The following SS18 variants were observed in gnomAD, a reference collection of about 807,000 sequenced individuals.
SS18 encodes the protein SS18 subunit of BAF chromatin remodeling complex, also known as protein SSXT.
SS18 carries 28 observed loss-of-function variants against 72.5 expected under a neutral mutation model. The ratio of observed to expected loss-of-function variants is 0.39; its 90% confidence interval spans 0.29 to 0.53. SS18 has a LOEUF of 0.53. Ranked by LOEUF, SS18 falls within the 20% of genes least tolerant of loss-of-function variation. SS18 has a pLI of 0.76. For missense variants in SS18, 518 were observed against 535.3 expected, an observed-to-expected ratio of 0.97 and a Z score of 0.32; for synonymous variants, 172 against 164.2, an observed-to-expected ratio of 1.05 and a Z score of -0.37.
intron 3 of SS18, among the ~76,000 whole-genome samples, chr18:26,063,519 A>G (rs776070216): frequency 6.6e-6 from 1 of 152,232 alleles, no homozygotes; most frequent in Non-Finnish European, 1.5e-5. Context: ...TCCATCTCCA[A>G]AAAGAAAAAA....
chr18:26,082,080 G>C (rs528373419), intron 2 of SS18, among the ~76,000 whole-genome samples: 1 of 151,954 alleles, frequency 6.6e-6, no homozygotes, highest in African/African-American at 2.4e-5. Flanking sequence ...CAAAAAAAAA[G>C]AGTATATGTT....
intron 5 of SS18, among the ~76,000 whole-genome samples, chr18:26,049,866 T>G (rs1456264667): frequency 6.6e-6 from 1 of 152,142 alleles, no homozygotes; most frequent in Non-Finnish European, 1.5e-5. Flanking sequence ...TTTATCTGGG[T>G]AACAGTGACA....
chr18:26,087,574 A>G lies in SS18; in HGVS notation c.73T>C (p.Leu25=). 1 of 1,557,040 alleles carries G rather than the reference A, an allele frequency of 6.4e-7. No homozygotes were observed. The highest frequency in any genetic ancestry group is 8.8e-7 in the Non-Finnish European group (1 of 1,138,944). ...EITPAAIQKM[L]DDNNHLIQCI... ...TGAATAAGATGGTTATTGTCATCCA[A>G]CATCTGAAACAGAATTAGAAAAGGT... The change falls in exon 2 of 11, where the codon TTG becomes CTG. Residue 25 remains leucine (L), a synonymous_variant. Transcript: ENST00000415083.
chr18:26,045,003 T>C (rs920058021), intron 5 of SS18, among the ~76,000 whole-genome samples: 1 of 152,176 alleles, frequency 6.6e-6, no homozygotes, highest in Non-Finnish European at 1.5e-5. Context: ...TCCTCCACAT[T>C]TGATCAGTCA....
At position 26,018,045 on chromosome 18, in the gene SS18, C is replaced by T. The variant is rs1171496636; in HGVS notation, c.*309G>A. 1.8e-5 allele frequency: 5 copies of T among 281,034 alleles called. No homozygotes were observed. The highest frequency in any genetic ancestry group is 2.7e-5 in the Non-Finnish European group (4 of 149,370). 17.4% of individuals were successfully genotyped at this position (281,034 alleles called of 1,614,324 possible). A position where few individuals can be genotyped will look rare whatever the true frequency, so the allele number is the denominator to read the frequency against. On this transcript the variant is annotated 3_prime_UTR_variant, in exon 11 of 11. Transcript: ENST00000415083. ...CTTCATAAACATACAAAGCTGTTCA[C>T]ACCTTTCAGTCTGTAACAGTCCATT... is the stretch of plus-strand genomic sequence containing the variant.
At chr18:26,026,399 A>C (rs969428033) in intron 10 of SS18, among the ~76,000 whole-genome samples, 2 of 152,222 alleles carry the variant, frequency 1.3e-5, no homozygotes, top group Non-Finnish European at 2.9e-5. Context: ...AAGGAAAACC[A>C]TAATTCCCTC....
chr18:26,034,448 T>C (rs1255510546), intron 9 of SS18, among the ~76,000 whole-genome samples: 2 of 152,124 alleles, frequency 1.3e-5, no homozygotes, highest in Non-Finnish European at 2.9e-5. Context: ...GAGTATATAA[T>C]AGGAAAATAT....
At chr18:26,078,812 A>G (rs1420503366) in intron 2 of SS18, among the ~76,000 whole-genome samples, 1 of 152,234 alleles carries the variant, frequency 6.6e-6, no homozygotes, top group Non-Finnish European at 1.5e-5. Context: ...GCCTGAACCC[A>G]GGAGGCAAAG....
intron 4 of SS18, among the ~76,000 whole-genome samples, chr18:26,054,415 T>A (rs929843311): frequency 1.3e-5 from 2 of 152,134 alleles, no homozygotes; most frequent in Non-Finnish European, 2.9e-5. Flanking sequence ...TGCATGCGTA[T>A]TGACACACAG....
chr18:26,062,203 G>A (rs1423798578), intron 3 of SS18, among the ~76,000 whole-genome samples: 1 of 152,150 alleles, frequency 6.6e-6, no homozygotes, highest in Non-Finnish European at 1.5e-5. Flanking sequence ...GGAGGTTGCA[G>A]TGAGCTAAGA....
chr18:26,068,571 A>T (rs1467395105), intron 3 of SS18: 1 of 152,202 alleles, frequency 6.6e-6, no homozygotes, highest in Non-Finnish European at 1.5e-5. Context: ...TAAAAAGGAA[A>T]CTCTGTAAGA....
intron 7 of SS18, 101 bp from the exon 8 acceptor site, chr18:26,036,024 A>G: frequency 1.3e-6 from 1 of 779,258 alleles, no homozygotes; most frequent in Non-Finnish European, 2.1e-6. Flanking sequence ...AAAAAGAAAA[A>G]GAAATGGAAC....
intron 2 of SS18, among the ~76,000 whole-genome samples, chr18:26,084,454 A>C (rs1003094483): frequency 7.2e-5 from 11 of 152,152 alleles, no homozygotes; most frequent in Non-Finnish European, 1.3e-4. Flanking sequence ...AAACAATGTA[A>C]ATGTGCCTCA....
intron 5 of SS18, among the ~76,000 whole-genome samples, chr18:26,047,022 C>A (rs2053835465): frequency 6.6e-6 from 1 of 152,150 alleles, no homozygotes; most frequent in African/African-American, 2.4e-5. Context: ...TTTAGCTTAA[C>A]TGCAGTAACT....
chr18:26,027,915 T>C (rs2053479555), intron 10 of SS18, among the ~76,000 whole-genome samples: 1 of 151,908 alleles, frequency 6.6e-6, no homozygotes. Flanking sequence ...TTCTTACACA[T>C]GATCCCAAAA....
intron 5 of SS18, among the ~76,000 whole-genome samples, chr18:26,050,913 T>G (rs913363347): frequency 6.6e-6 from 1 of 151,696 alleles, no homozygotes; most frequent in African/African-American, 2.4e-5. Flanking sequence ...CGTCTCAAAA[T>G]AAATAAATAA....
chr18:26,066,823 A>C (rs538208129), intron 3 of SS18, among the ~76,000 whole-genome samples: 1 of 152,212 alleles, frequency 6.6e-6, no homozygotes. Flanking sequence ...GTGCCCCCAT[A>C]GACAAATTAT....
chr18:26,035,108 T>C lies in SS18; in HGVS notation c.993A>G (p.Gln331=), dbSNP rs2053605230. 1 of 1,613,262 alleles carries C rather than the reference T, an allele frequency of 6.2e-7. No homozygotes were observed. The highest frequency in any genetic ancestry group is 1.1e-5 in the South Asian group (1 of 91,044). ...YYEGGNSQYG[Q]QQDAYQGPPP... ...GTGGTCCCTGGTATGCATCTTGCTG[T>C]TGGCCATACTGTGAATTTCCTACAG... is the stretch of plus-strand genomic sequence containing the variant. Residue 331 remains glutamine, a synonymous_variant, in exon 9 of 11, where the codon CAA becomes CAG. Transcript: ENST00000415083. The surrounding 1 kb of genome is among the most constrained non-coding windows in gnomAD (Gnocchi z 4.4).
chr18:26,052,909 C>T (rs2053948576), intron 4 of SS18, 64 bp from the exon 5 acceptor site: 1 of 1,402,712 alleles, frequency 7.1e-7, no homozygotes, highest in Non-Finnish European at 9.9e-7. Context: ...ACAAAAGTAC[C>T]TGGAAATAAT....
Sources: allele counts gnomAD v4.1 joint callset (sites outside exome capture counted in the v4.1 genomes callset), GRCh38; gene constraint gnomAD v4.1.1; non-coding constraint Gnocchi (gnomAD v3.1); transcripts MANE v1.5; gene names NCBI Gene and HGNC (gene_info 2026-07-23, HGNC 2026-07-21).